VEPH1: variants seen among roughly 807,000 people sequenced by gnomAD.
The protein encoded by VEPH1 is ventricular zone-expressed PH domain-containing protein homolog 1.
Under a neutral mutation model 85.2 loss-of-function variants are expected in VEPH1, and 80 were observed. The ratio of observed to expected loss-of-function variants is 0.94; its 90% CI spans 0.78 to 1.13. The LOEUF is 1.13. Among genes scored for constraint, VEPH1 ranks in the 50% most tolerant of loss-of-function variants. The probability of loss-of-function intolerance (pLI) is 0.00; values close to 1 mark genes in which losing one functional copy is unlikely to be tolerated. For missense variants in VEPH1, 955 were observed against 980.5 expected, an observed-to-expected ratio of 0.97 and a Z score of 0.35; for synonymous variants, 297 against 348.0, an observed-to-expected ratio of 0.85 and a Z score of 1.63.
At chr3:157,373,775 T>C (rs544783351) in intron 7 of VEPH1, among the ~76,000 whole-genome samples, 62 of 152,206 alleles carry the variant, frequency 4.1e-4, no homozygotes, top group Non-Finnish European at 7.8e-4. Context: ...AGCTTTCTTT[T>C]TTTGTGTGCC....
At chr3:157,417,718 G>T (rs569290310) in intron 5 of VEPH1, among the ~76,000 whole-genome samples, 17 of 152,208 alleles carry the variant, frequency 1.1e-4, no homozygotes, top group Non-Finnish European at 2.4e-4. Flanking sequence ...CTTCTTGGAA[G>T]TCTTCTTTCC....
At chr3:157,460,096 G>A (rs1348475881) in intron 4 of VEPH1, 85 bp downstream of exon 4, 2 of 1,612,486 alleles carry the variant, frequency 1.2e-6, no homozygotes, top group Non-Finnish European at 8.5e-7. Flanking sequence ...TCTAGGTCTT[G>A]CTTCCCACAA....
intron 6 of VEPH1, among the ~76,000 whole-genome samples, chr3:157,413,236 A>G (rs1304634732): frequency 1.3e-5 from 2 of 152,144 alleles, no homozygotes; most frequent in African/African-American, 2.4e-5. Flanking sequence ...AAACTTTCTT[A>G]ATCCCCATAA....
intron 6 of VEPH1, among the ~76,000 whole-genome samples, chr3:157,390,516 A>T (rs1729757560): frequency 6.6e-6 from 1 of 152,136 alleles, no homozygotes; most frequent in African/African-American, 2.4e-5. Context: ...AAAACACCTC[A>T]TTTTGTTTTG....
intron 12 of VEPH1, among the ~76,000 whole-genome samples, chr3:157,285,539 G>A (rs184869864): frequency 1.3e-5 from 2 of 152,270 alleles, no homozygotes; most frequent in Admixed American, 1.3e-4. Flanking sequence ...ATAATCAATG[G>A]CTGCCTAGAA....
intron 11 of VEPH1, among the ~76,000 whole-genome samples, chr3:157,304,018 ATTTTTT>A (rs1719144030): frequency 1.5e-5 from 1 of 64,922 alleles, no homozygotes; most frequent in Non-Finnish European, 4.1e-5. Flanking sequence ...CTCATCTTAT[ATTTTTT>A]ATATATATAT....
At chr3:157,265,796 T>G in intron 12 of VEPH1, 134 bp from the exon 13 acceptor site, 1 of 910,262 alleles carries the variant, frequency 1.1e-6, no homozygotes, top group Admixed American at 2.7e-5. Context: ...ATGATGAATT[T>G]GGTTAACCTT....
chr3:157,271,341 G>T (rs1427177368), intron 12 of VEPH1, among the ~76,000 whole-genome samples: 1 of 152,192 alleles, frequency 6.6e-6, no homozygotes, highest in East Asian at 1.9e-4. Context: ...GTCAGGCAGG[G>T]TCTTGGCAGG....
At chr3:157,475,798 TGA>T (rs1473697448) in intron 2 of VEPH1, among the ~76,000 whole-genome samples, 8 of 152,252 alleles carry the variant, frequency 5.3e-5, no homozygotes, top group African/African-American at 1.7e-4. Context: ...AAGACAAAAA[TGA>T]GAGAACATTC....
At chr3:157,386,059 T>C (rs1395231220) in intron 6 of VEPH1, among the ~76,000 whole-genome samples, 1 of 152,078 alleles carries the variant, frequency 6.6e-6, no homozygotes, top group Non-Finnish European at 1.5e-5. Context: ...TGGCAGATAA[T>C]AGATTTTCCA....
intron 5 of VEPH1, among the ~76,000 whole-genome samples, chr3:157,416,105 C>T (rs968583885): frequency 2.6e-5 from 4 of 152,110 alleles, no homozygotes; most frequent in African/African-American, 9.7e-5. Flanking sequence ...TTATACAGAG[C>T]TTATCCACAA....
chr3:157,436,344 A>G (rs1350924355), intron 4 of VEPH1, among the ~76,000 whole-genome samples: 2 of 152,178 alleles, frequency 1.3e-5, no homozygotes, highest in East Asian at 3.8e-4. Flanking sequence ...GATAGCTCGG[A>G]TTGGACTTGA....
At chr3:157,477,136 T>A (rs1232212849) in intron 2 of VEPH1, among the ~76,000 whole-genome samples, 1 of 151,962 alleles carries the variant, frequency 6.6e-6, no homozygotes, top group South Asian at 2.1e-4. Context: ...TCAGTCTCAC[T>A]GGACTAAAGT....
intron 4 of VEPH1, chr3:157,436,872 AC>A: frequency 6.4e-7 from 1 of 1,574,752 alleles, no homozygotes; most frequent in Non-Finnish European, 8.7e-7. Context: ...CTCCGCTCAA[AC>A]TCAGCTCACT....
intron 9 of VEPH1, among the ~76,000 whole-genome samples, chr3:157,350,997 C>T (rs1388504310): frequency 6.6e-6 from 1 of 152,150 alleles, no homozygotes; most frequent in Non-Finnish European, 1.5e-5. Context: ...TACCATATGA[C>T]ACAGCAATCC....
intron 13 of VEPH1, among the ~76,000 whole-genome samples, chr3:157,261,959 C>T (rs991878345): frequency 1.3e-5 from 2 of 152,190 alleles, no homozygotes; most frequent in African/African-American, 2.4e-5. Flanking sequence ...AGTCATCACA[C>T]TGGGCTAAGA....
rs538351164 is a variant in VEPH1, at chr3:157,379,303, A to AT, written c.1127+1852dup. Reference sequence around the variant, plus strand: ...AAGCCCTTGTATCTTTGTATGTGCTATTTTTTTTAATTTGTGGTATCCTTT... The same window carrying AT: ...AAGCCCTTGTATCTTTGTATGTGCTATTTTTTTTTAATTTGTGGTATCCTTT... On this transcript the variant is annotated intron_variant, in intron 7 of 13. Coordinates refer to ENST00000362010, the MANE Select transcript of VEPH1 (RefSeq NM_001167912.2). Among the ~76,000 whole-genome samples the AT allele has an allele frequency of 4.5e-4, 69 of 151,928 alleles. 1 individual carries two copies. Among genetic ancestry groups the AT allele is most frequent in the Admixed American group, 1.1e-3 (16 of 15,236 alleles).
chr3:157,443,409 A>AT (rs5853783), intron 4 of VEPH1: 92,300 of 157,446 alleles, frequency 0.59, 27,672 homozygotes, highest in African/African-American at 0.7. Flanking sequence ...TACAAAAAAA[A>AT]GATGAAAACA....
rs1378795 is a variant in VEPH1, at chr3:157,413,976, T to A, written c.811A>T (p.Ser271Cys). The A allele has an allele frequency of 3.1e-3, 5,011 of 1,613,592 alleles. 94 individuals are homozygous for A. The African/African-American group carries it at 0.043, about 14-fold the overall frequency. ...ATCTCTTTCAGCATTGGAAGAAAAC[T>A]GTTCAAAGCCACTGGCTCATAGACT... ...IAVYEPVALN[S>C]FLPMLKEIGE... The change falls in exon 6 of 14, where the codon AGT becomes TGT. Residue 271 changes from serine to cysteine, a missense_variant. Coordinates refer to ENST00000362010, the MANE Select transcript of VEPH1 (RefSeq NM_001167912.2).
Sources: gnomAD v4.1 joint callset for allele counts (sites outside exome capture counted in the v4.1 genomes callset) on GRCh38, gnomAD v4.1.1 for gene constraint, MANE v1.5 for transcripts, NCBI Gene and HGNC (gene_info 2026-07-23, HGNC 2026-07-21) for gene names.